The following NBPF9 variants were observed in gnomAD, a reference collection of about 807,000 sequenced individuals.
NBPF9 encodes the protein NBPF member 9.
Under a neutral mutation model 97.8 loss-of-function variants are expected in NBPF9, and 91 were observed. The observed-to-expected ratio is 0.93, with a 90% CI of 0.79 to 1.11. The LOEUF is 1.11. NBPF9 is among the 50% of genes least tolerant of loss of function. The pLI is 0.00. For missense variants in NBPF9, 992 were observed against 939.5 expected (o/e 1.06, Z -0.73); for synonymous variants, 334 against 359.5 (o/e 0.93, Z 0.80).
chr1:149,072,701 G>T lies in NBPF9; in HGVS notation c.1306+17C>A. 6.2e-7 allele frequency: 1 copy of T among 1,611,640 alleles called. No homozygotes were observed. Among genetic ancestry groups the T allele is most frequent in the Non-Finnish European group, 8.5e-7 (1 of 1,179,550 alleles). ...AAGCCTGGGGTTTTGGGTCAACAGG[G>T]CCTATGGCCACCTTACCTGGGCTGA... On this transcript the variant is annotated intron_variant, in intron 14 of 29. Coordinates refer to ENST00000584027, the Ensembl canonical transcript of NBPF9.
At chr1:149,073,611 C>T (rs1473971001) in intron 13 of NBPF9, among the ~76,000 whole-genome samples, 157 bp downstream of exon 13, 12 of 150,390 alleles carry the variant, frequency 8.0e-5, no homozygotes, top group African/African-American at 2.7e-4. Flanking sequence ...TATTATCCTT[C>T]TTCTCTGTTT....
At chr1:149,088,885 T>G (rs1369924316) in intron 5 of NBPF9, among the ~76,000 whole-genome samples, 1 of 150,862 alleles carries the variant, frequency 6.6e-6, no homozygotes, top group Non-Finnish European at 1.5e-5. Context: ...CTGAACTGGA[T>G]GCCAGGTCAA....
chr1:149,079,420 T>C (rs1320084677), intron 8 of NBPF9, among the ~76,000 whole-genome samples, 199 bp from the exon 9 acceptor site: 3 of 151,882 alleles, frequency 2.0e-5, no homozygotes, highest in Non-Finnish European at 4.4e-5. Context: ...AGAGGGCTCC[T>C]GCAAGATCCT....
chr1:149,070,671 G>A (rs587624461), intron 16 of NBPF9, among the ~76,000 whole-genome samples: 74 of 152,040 alleles, frequency 4.9e-4, no homozygotes, highest in African/African-American at 1.7e-3. Context: ...AAGCTAGGAG[G>A]CCTGACAGAT....
At chr1:149,073,270 G>A in intron 13 of NBPF9, among the ~76,000 whole-genome samples, 1 of 143,830 alleles carries the variant, frequency 7.0e-6, no homozygotes, top group Non-Finnish European at 1.5e-5. Flanking sequence ...TACACATAGT[G>A]CATCTTGCGG....
intron 4 of NBPF9, among the ~76,000 whole-genome samples, chr1:149,095,201 G>C (rs1245573462): frequency 1.1e-4 from 17 of 150,728 alleles, no homozygotes; most frequent in African/African-American, 4.2e-4. Context: ...TGGAGGTTTA[G>C]AGACAATTTA....
intron 24 of NBPF9, 79 bp downstream of exon 24, chr1:149,060,444 A>G (rs1446266380): frequency 3.0e-6 from 1 of 334,600 alleles, no homozygotes; most frequent in African/African-American, 3.7e-5. Flanking sequence ...CAGCTCAGTA[A>G]TGGCCACTTG....
exon 2 of NBPF9, chr1:149,102,790 T>A: frequency 6.6e-6 from 1 of 152,230 alleles, no homozygotes; most frequent in Non-Finnish European, 1.5e-5. Context: ...CAGTGACGGC[T>A]ACAAACGCTC....
intron 4 of NBPF9, among the ~76,000 whole-genome samples, chr1:149,097,083 AGG>A (rs2081821243): frequency 1.1e-5 from 1 of 90,760 alleles, no homozygotes; most frequent in African/African-American, 5.4e-5. Context: ...GAAGGGAGGA[AGG>A]AAGGAAGGAA....
In NBPF9 at chr1:149,071,043, G is replaced by A. The variant is rs587690038; in HGVS notation, c.1476C>T (p.Asn492=). The change falls in exon 16 of 30, where the codon AAC becomes AAT. Residue 492 remains asparagine (N), a synonymous_variant. Transcript: ENST00000584027. ...TGATTTTGGTTTTCCTATGTGGCTG[G>A]TTGGAGTCATAAGGGCCATGGCTAT... 87 of 1,611,548 alleles carry A rather than the reference G, an allele frequency of 5.4e-5. 1 individual carries two copies. The East Asian group carries it at 1.7e-3, about 32-fold the overall frequency.
At chr1:149,099,443 A>G (rs1467161665) in intron 3 of NBPF9, among the ~76,000 whole-genome samples, 1 of 152,236 alleles carries the variant, frequency 6.6e-6, no homozygotes, top group Non-Finnish European at 1.5e-5. Context: ...ATGGTATATT[A>G]GTATGTTCAT....
At chr1:149,096,435 CTG>C (rs2081769681) in intron 4 of NBPF9, among the ~76,000 whole-genome samples, 1 of 11,404 alleles carries the variant, frequency 8.8e-5, no homozygotes, top group Admixed American at 8.3e-4. Context: ...ATAGGGGAAA[CTG>C]TGTGCTGGAG....
At position 149,100,698 on chromosome 1, in the gene NBPF9, C is replaced by T. The variant is rs1390239793; in HGVS notation, c.-606+564G>A. On this transcript the variant is annotated intron_variant, in intron 3 of 29. Coordinates refer to ENST00000584027, the Ensembl canonical transcript of NBPF9. ...CCTGTAATCCCCACACTCTGGGAGGCTTAAGTGGGAAGATTACTTGAGCCC... is the reference window on the plus strand; with the variant it reads ...CCTGTAATCCCCACACTCTGGGAGGTTTAAGTGGGAAGATTACTTGAGCCC... Among the ~76,000 whole-genome samples, 86 of 152,082 alleles carry T rather than the reference C, an allele frequency of 5.7e-4. No individual in the cohort carries two copies. In the Middle Eastern group the frequency reaches 0.01, roughly 18 times the overall value.
chr1:149,089,879 G>A (rs879067014), intron 5 of NBPF9, among the ~76,000 whole-genome samples: 1 of 143,870 alleles, frequency 7.0e-6, no homozygotes, highest in Admixed American at 6.9e-5. Flanking sequence ...GCTGAGGGAA[G>A]GTGCAAGAGA....
chr1:149,079,770 G>T (rs2080245800), intron 8 of NBPF9, among the ~76,000 whole-genome samples: 1 of 151,854 alleles, frequency 6.6e-6, no homozygotes, highest in African/African-American at 2.4e-5. Flanking sequence ...TATACTGAAT[G>T]CTGCTAGGTG....
chr1:149,097,816 G>T (rs2081888155), intron 4 of NBPF9, among the ~76,000 whole-genome samples: 3 of 152,148 alleles, frequency 2.0e-5, no homozygotes, highest in Admixed American at 2.0e-4. Context: ...ACAAGGTCCT[G>T]GGGAACCAAG....
intron 24 of NBPF9, 127 bp from the exon 25 acceptor site, chr1:149,059,935 A>G: frequency 9.4e-6 from 4 of 426,114 alleles, no homozygotes; most frequent in East Asian, 2.8e-5. Flanking sequence ...TGTGAGAGAT[A>G]TATTTCAGGA....
chr1:149,060,699 G>A lies in NBPF9; in HGVS notation c.2304-4C>T, dbSNP rs1284007336. Reference sequence around the variant, plus strand: ...CTCCAGCAGCTCCCTGCTGAGCCTGGAAAAGGAGGAAAAAGTAAAGAATAA... The same window carrying A: ...CTCCAGCAGCTCCCTGCTGAGCCTGAAAAAGGAGGAAAAAGTAAAGAATAA... On this transcript the variant is annotated splice_polypyrimidine_tract_variant and splice_region_variant and intron_variant, in intron 23 of 29. Coordinates refer to ENST00000584027, the Ensembl canonical transcript of NBPF9. 4 of 352,458 alleles carry A rather than the reference G, an allele frequency of 1.1e-5. 1 individual carries two copies. The South Asian group carries it at 1.2e-4, about 10-fold the overall frequency. The allele number at this position is 352,458 out of a possible 1,614,324, so 21.8% of individuals were successfully genotyped here.
intron 11 of NBPF9, among the ~76,000 whole-genome samples, chr1:149,076,935 T>C (rs1355919035): frequency 6.6e-6 from 1 of 151,400 alleles, no homozygotes; most frequent in Non-Finnish European, 1.5e-5. Context: ...GTTGGGACTA[T>C]AGGCATGCAG....
Sources: allele counts gnomAD v4.1 joint callset (sites outside exome capture counted in the v4.1 genomes callset), GRCh38; gene constraint gnomAD v4.1.1; transcripts MANE v1.5; gene names NCBI Gene and HGNC (gene_info 2026-07-23, HGNC 2026-07-21).